The following CTIF variants were observed in gnomAD, a reference collection of about 807,000 sequenced individuals.
CTIF encodes CBP80/20-dependent translation initiation factor.
In CTIF, 21 loss-of-function variants were observed where a neutral mutation model predicts 66.0. That is an observed-to-expected ratio of 0.32 (90% CI 0.23 to 0.46). CTIF has a LOEUF of 0.46. Among genes scored for constraint, CTIF ranks in the 20% least tolerant of loss-of-function variants. CTIF has a pLI of 1.00. For missense variants in CTIF, 739 were observed against 812.7 expected (o/e 0.91, Z 1.10); for synonymous variants, 345 against 326.4 (o/e 1.06, Z -0.62).
intron 6 of CTIF, among the ~76,000 whole-genome samples, chr18:48,673,984 C>T (rs529601783): frequency 5.8e-4 from 89 of 152,282 alleles, no homozygotes; most frequent in African/African-American, 2.1e-3. Flanking sequence ...TAGTCACATG[C>T]CCCCGCCCCA....
intron 6 of CTIF, among the ~76,000 whole-genome samples, chr18:48,689,314 A>T (rs1214644244): frequency 6.6e-6 from 1 of 152,234 alleles, no homozygotes; most frequent in East Asian, 1.9e-4. Context: ...ATATTGTCAT[A>T]AAAATAACTC....
intron 10 of CTIF, among the ~76,000 whole-genome samples, chr18:48,842,664 C>A (rs2068973603): frequency 6.6e-6 from 1 of 152,240 alleles, no homozygotes. Context: ...ATTCTACAGG[C>A]AAGTTACTAT....
At chr18:48,798,529 A>G (rs556613999) in intron 9 of CTIF, among the ~76,000 whole-genome samples, 12 of 152,324 alleles carry the variant, frequency 7.9e-5, no homozygotes, top group African/African-American at 2.6e-4. Context: ...TTAAGTTAGC[A>G]CAGTACTGAG....
intron 6 of CTIF, among the ~76,000 whole-genome samples, chr18:48,705,141 A>C (rs965331164): frequency 6.6e-6 from 1 of 152,216 alleles, no homozygotes; most frequent in African/African-American, 2.4e-5. Flanking sequence ...ATGGGTGTCC[A>C]CGGGCACAGC....
intron 6 of CTIF, among the ~76,000 whole-genome samples, chr18:48,681,161 T>C (rs544621239): frequency 9.2e-5 from 14 of 152,310 alleles, no homozygotes; most frequent in African/African-American, 3.4e-4. Flanking sequence ...CCCAGGGACC[T>C]CCCTCCTACA....
chr18:48,723,376 A>T (rs1459333579), intron 7 of CTIF, among the ~76,000 whole-genome samples: 1 of 152,162 alleles, frequency 6.6e-6, no homozygotes, highest in Non-Finnish European at 1.5e-5. Flanking sequence ...GAGATTTCAG[A>T]TGAGACCCTC....
chr18:48,599,822 G>C (rs971071159), intron 1 of CTIF, among the ~76,000 whole-genome samples: 2 of 152,214 alleles, frequency 1.3e-5, no homozygotes, highest in Non-Finnish European at 2.9e-5. Flanking sequence ...GGTGACCCCT[G>C]TGTCTTGCGT....
chr18:48,816,022 C>A (rs2068356459), intron 9 of CTIF, among the ~76,000 whole-genome samples: 1 of 152,178 alleles, frequency 6.6e-6, no homozygotes, highest in African/African-American at 2.4e-5. Context: ...GCTGAACAAA[C>A]AACCATAAAA....
At chr18:48,715,250 T>TG (rs568204135) in intron 7 of CTIF, among the ~76,000 whole-genome samples, 21 of 150,976 alleles carry the variant, frequency 1.4e-4, no homozygotes, top group Non-Finnish European at 2.7e-4. Context: ...TTTTCCATTT[T>TG]GAAAAAAAAA....
intron 1 of CTIF, among the ~76,000 whole-genome samples, chr18:48,543,422 A>G (rs1316684755): frequency 6.6e-6 from 1 of 152,130 alleles, no homozygotes; most frequent in Non-Finnish European, 1.5e-5. Flanking sequence ...CCCTGAGCTC[A>G]GCTGCTTCCT....
chr18:48,644,616 G>A (rs2090992543), intron 3 of CTIF, among the ~76,000 whole-genome samples: 1 of 152,198 alleles, frequency 6.6e-6, no homozygotes, highest in Non-Finnish European at 1.5e-5. Context: ...GCTCCTATAG[G>A]GAGAACCATC....
At chr18:48,729,848 A>C (rs989627195) in intron 7 of CTIF, among the ~76,000 whole-genome samples, 7 of 152,192 alleles carry the variant, frequency 4.6e-5, no homozygotes, top group African/African-American at 1.7e-4. Context: ...GGCATGAGGA[A>C]AGATTGTGAG....
chr18:48,622,093 G>C (rs375963639), intron 2 of CTIF, among the ~76,000 whole-genome samples: 38 of 152,354 alleles, frequency 2.5e-4, no homozygotes, highest in African/African-American at 8.2e-4. Context: ...AGGGAATACA[G>C]TGGAGGAGAG....
chr18:48,745,211 G>A (rs781311488), intron 7 of CTIF, among the ~76,000 whole-genome samples: 52 of 152,106 alleles, frequency 3.4e-4, no homozygotes, highest in Non-Finnish European at 5.7e-4. Flanking sequence ...GTCCCTCAGC[G>A]TCGGTTTCTC....
chr18:48,728,222 A>G (rs1427762883), intron 7 of CTIF, among the ~76,000 whole-genome samples: 1 of 152,172 alleles, frequency 6.6e-6, no homozygotes, highest in African/African-American at 2.4e-5. Flanking sequence ...CAGTCTCCTC[A>G]AAGTCCATAT....
At chr18:48,703,964 G>C (rs111651192) in intron 6 of CTIF, among the ~76,000 whole-genome samples, 1 of 152,196 alleles carries the variant, frequency 6.6e-6, no homozygotes, top group Non-Finnish European at 1.5e-5. Flanking sequence ...CCTGCCAGAC[G>C]CCAGCTCTCC....
chr18:48,681,984 C>T (rs149236675), intron 6 of CTIF, among the ~76,000 whole-genome samples: 7,536 of 152,108 alleles, frequency 0.05, 235 homozygotes, highest in Non-Finnish European at 0.073. Flanking sequence ...TGAGGTTTCA[C>T]CATGTTGGCC....
intron 1 of CTIF, among the ~76,000 whole-genome samples, chr18:48,556,182 A>G (rs764534037): frequency 5.3e-5 from 8 of 152,180 alleles, no homozygotes; most frequent in Admixed American, 1.3e-4. Context: ...GGATCGTCTC[A>G]GCAGCATCTC....
chr18:48,809,254 C>A lies in CTIF; in HGVS notation c.1372-7967C>A, dbSNP rs1007904241. ...ATTCTTATTAATTAGTCACTGAACT[C>A]TCTTGTTAATGATACTCTTTATTAA... is the stretch of plus-strand genomic sequence containing the variant. On this transcript the variant is annotated intron_variant, in intron 9 of 11. Coordinates refer to ENST00000256413, the MANE Select transcript of CTIF (RefSeq NM_014772.3). 3.9e-5 allele frequency among the ~76,000 whole-genome samples: 6 copies of A among 152,108 alleles called. No homozygotes were observed. In the South Asian group the frequency reaches 1.0e-3, roughly 26 times the overall value.
Sources: gnomAD v4.1 joint callset for allele counts (sites outside exome capture counted in the v4.1 genomes callset) on GRCh38, gnomAD v4.1.1 for gene constraint, MANE v1.5 for transcripts, NCBI Gene and HGNC (gene_info 2026-07-23, HGNC 2026-07-21) for gene names.